ADAMTS20: variants seen among roughly 807,000 people sequenced by gnomAD.
The protein encoded by ADAMTS20 is ADAM metallopeptidase with thrombospondin type 1 motif 20, also known as A disintegrin and metalloproteinase with thrombospondin motifs 20.
ADAMTS20 carries 225 observed loss-of-function variants against 260.1 expected under a neutral mutation model. The observed-to-expected ratio is 0.87, with a 90% CI of 0.78 to 0.97. The LOEUF is 0.97. Ranked by LOEUF, ADAMTS20 falls within the 50% of genes least tolerant of loss-of-function variation. The pLI, the probability that ADAMTS20 is intolerant of heterozygous loss-of-function variation, is 0.00. For missense variants in ADAMTS20, 2,400 were observed against 2,337.7 expected (o/e 1.03, Z -0.55); for synonymous variants, 802 against 769.5 (o/e 1.04, Z -0.70).
At chr12:43,384,003 A>G in intron 29 of ADAMTS20, 26 bp from the exon 30 acceptor site, 1 of 1,570,722 alleles carries the variant, frequency 6.4e-7, no homozygotes, top group Non-Finnish European at 8.6e-7. Flanking sequence ...GTTGATTTGA[A>G]CAATTAGCTA....
At chr12:43,373,086 A>G (rs978536468) in intron 36 of ADAMTS20, among the ~76,000 whole-genome samples, 2 of 152,238 alleles carry the variant, frequency 1.3e-5, no homozygotes, top group Non-Finnish European at 2.9e-5. Flanking sequence ...ATCAGTCAGA[A>G]GGGCTGTGTA....
At chr12:43,358,316 T>C (rs1939787973) in intron 37 of ADAMTS20, among the ~76,000 whole-genome samples, 1 of 152,210 alleles carries the variant, frequency 6.6e-6, no homozygotes, top group African/African-American at 2.4e-5. Flanking sequence ...TCTGTACTAA[T>C]TTTCATGAGC....
chr12:43,369,922 T>C (rs1483909244), intron 36 of ADAMTS20, among the ~76,000 whole-genome samples: 1 of 152,136 alleles, frequency 6.6e-6, no homozygotes, highest in Non-Finnish European at 1.5e-5. Context: ...TAGCAAAATT[T>C]CCTGACTGGT....
rs769879334 is a variant in ADAMTS20 at position 43,466,825 on chromosome 12, A to G, written c.1224-30T>C. 7 of 1,491,760 alleles carry G rather than the reference A, an allele frequency of 4.7e-6. No homozygotes were observed. In the South Asian group the frequency reaches 8.3e-5, roughly 18 times the overall value. 92.4% of individuals were successfully genotyped at this position (1,491,760 alleles called of 1,614,324 possible). ...AAATAAAAATAAACACTTAAAAGGA[A>G]TATCAAAAGATGCTTACGATATTAG... On this transcript the variant is annotated intron_variant, in intron 8 of 38. Transcript: ENST00000389420.
chr12:43,508,519 A>G (rs1942876812), intron 3 of ADAMTS20, among the ~76,000 whole-genome samples: 1 of 152,204 alleles, frequency 6.6e-6, no homozygotes. Context: ...TAATGAACAA[A>G]ATCTAGCCAT....
Position 43,478,402 on chromosome 12 carries a change from GAGA to G in ADAMTS20, c.1118-9700_1118-9698del, listed in dbSNP as rs757650955. The stretch of plus-strand genomic sequence containing the variant: ...AAAATGAAAGCACAGACAGCAGAAT[GAGA>G]AGATCTAATACAGATGTAGTAGAAT... On this transcript the variant is annotated intron_variant, in intron 7 of 38. Transcript: ENST00000389420. Among the ~76,000 whole-genome samples the G allele has an allele frequency of 5.3e-5, 8 of 152,098 alleles. No individual in the cohort carries two copies. The East Asian group carries it at 1.2e-3, about 22-fold the overall frequency.
At chr12:43,393,592 TAATA>T (rs1302093324) in intron 29 of ADAMTS20, among the ~76,000 whole-genome samples, 1 of 152,068 alleles carries the variant, frequency 6.6e-6, no homozygotes, top group Non-Finnish European at 1.5e-5. Flanking sequence ...CTCTGCTATT[TAATA>T]AATAATTATT....
intron 31 of ADAMTS20, among the ~76,000 whole-genome samples, chr12:43,381,762 C>T (rs556189726): frequency 1.8e-5 from 1 of 56,574 alleles, no homozygotes; most frequent in Non-Finnish European, 3.1e-5. Context: ...GCTTGGGCAA[C>T]AGAACAAGAC....
chr12:43,535,800 A>G (rs1453133608), intron 2 of ADAMTS20, among the ~76,000 whole-genome samples: 1 of 152,170 alleles, frequency 6.6e-6, no homozygotes, highest in Non-Finnish European at 1.5e-5. Flanking sequence ...TAATCATTAA[A>G]GAATTCAAAT....
intron 7 of ADAMTS20, among the ~76,000 whole-genome samples, chr12:43,483,310 G>C (rs1942469982): frequency 1.3e-5 from 2 of 152,122 alleles, no homozygotes; most frequent in Non-Finnish European, 2.9e-5. Context: ...TCCATATTAA[G>C]GAAGCACCCT....
At chr12:43,364,528 A>G (rs1209235853) in intron 37 of ADAMTS20, among the ~76,000 whole-genome samples, 1 of 152,204 alleles carries the variant, frequency 6.6e-6, no homozygotes, top group Non-Finnish European at 1.5e-5. Context: ...TGAAGATATC[A>G]TATTTTACAA....
intron 29 of ADAMTS20, 93 bp downstream of exon 29, chr12:43,398,972 GA>G (rs1249673620): frequency 1.1e-6 from 1 of 881,768 alleles, no homozygotes; most frequent in African/African-American, 1.8e-5. Flanking sequence ...AAATTTTAGA[GA>G]AGCAAAACAT....
Position 43,551,785 on chromosome 12 carries a change from C to T in ADAMTS20, c.91+46G>A, listed in dbSNP as rs1943521439. 3 of 1,597,202 alleles carry T rather than the reference C, an allele frequency of 1.9e-6. No individual in the cohort carries two copies. In the African/African-American group the frequency reaches 4.0e-5, roughly 21 times the overall value. On this transcript the variant is annotated intron_variant, in intron 1 of 38. Coordinates refer to ENST00000389420, the MANE Select transcript of ADAMTS20 (RefSeq NM_025003.5). This position sits in a 1 kb window ranked among gnomAD's most constrained non-coding sequence, Gnocchi z 4.6. ...CGCGACCTGCATGTCCCACTCGGGC[C>T]CCGCGCCCCCACTTAGCCGCTGAAG...
At chr12:43,520,710 C>A (rs1943059568) in intron 3 of ADAMTS20, among the ~76,000 whole-genome samples, 1 of 152,170 alleles carries the variant, frequency 6.6e-6, no homozygotes, top group South Asian at 2.1e-4. Context: ...TAAGCTGACT[C>A]TTTAAAACAC....
intron 14 of ADAMTS20, among the ~76,000 whole-genome samples, chr12:43,450,250 C>T (rs1198266330): frequency 1.3e-5 from 2 of 152,206 alleles, no homozygotes; most frequent in East Asian, 1.9e-4. Flanking sequence ...AAATGCAGCT[C>T]CTCTCCATGA....
intron 31 of ADAMTS20, among the ~76,000 whole-genome samples, chr12:43,381,625 A>AG (rs1940353452): frequency 1.3e-5 from 2 of 150,818 alleles, no homozygotes; most frequent in South Asian, 4.2e-4. Flanking sequence ...CTACAAAAAA[A>AG]AAAAAAAAAG....
chr12:43,450,730 T>C (rs539222383), intron 14 of ADAMTS20, among the ~76,000 whole-genome samples: 1 of 152,250 alleles, frequency 6.6e-6, no homozygotes, highest in South Asian at 2.1e-4. Flanking sequence ...AATTATTTTT[T>C]ATCTTTTATT....
chr12:43,447,631 T>C (rs998328601), intron 14 of ADAMTS20, among the ~76,000 whole-genome samples: 3 of 151,780 alleles, frequency 2.0e-5, no homozygotes, highest in Non-Finnish European at 2.9e-5. Context: ...GTACTGAAAG[T>C]CCTGGCCAGA....
At chr12:43,360,967 A>T (rs549851553) in intron 37 of ADAMTS20, among the ~76,000 whole-genome samples, 1 of 152,394 alleles carries the variant, frequency 6.6e-6, no homozygotes, top group African/African-American at 2.4e-5. Context: ...CCAGTTAAAT[A>T]GATCCACATT....
Sources: allele counts gnomAD v4.1 joint callset (sites outside exome capture counted in the v4.1 genomes callset), GRCh38; gene constraint gnomAD v4.1.1; non-coding constraint Gnocchi (gnomAD v3.1); transcripts MANE v1.5; gene names NCBI Gene and HGNC (gene_info 2026-07-23, HGNC 2026-07-21).